Variants in SLC24A2 observed in about 807,000 individuals in gnomAD.
SLC24A2 encodes the protein solute carrier family 24 member 2, also known as sodium/potassium/calcium exchanger 2.
Under a neutral mutation model 62.0 loss-of-function variants are expected in SLC24A2, and 36 were observed. The observed-to-expected ratio is 0.58, with a 90% confidence interval of 0.44 to 0.77. SLC24A2 has a LOEUF of 0.77. Ranked by LOEUF, SLC24A2 falls within the 30% of genes least tolerant of loss-of-function variation. The pLI is 0.00. For synonymous variants in SLC24A2, 358 were observed against 294.0 expected (o/e 1.22, Z -2.23); for missense variants, 846 against 817.9 (o/e 1.03, Z -0.42).
chr9:20,245,652 A>C, the SLC24A2 span, among the ~76,000 whole-genome samples: 1 of 152,212 alleles, frequency 6.6e-6, no homozygotes, highest in Non-Finnish European at 1.5e-5. Context: ...AGGTCAAGCG[A>C]ATTGAGATTT....
chr9:19,573,225 A>T lies in SLC24A2; in HGVS notation c.1347+126T>A. The T allele has an allele frequency of 4.3e-6, 3 of 690,422 alleles. No individual in the cohort carries two copies. In the South Asian group the frequency reaches 4.5e-5, roughly 10 times the overall value. The allele number at this position is 690,422 out of a possible 1,614,324, so 42.8% of individuals were successfully genotyped here. On this transcript the variant is annotated intron_variant, in intron 7 of 10. Coordinates refer to ENST00000341998, the MANE Select transcript of SLC24A2 (RefSeq NM_020344.4). Reference sequence around the variant, plus strand: ...CTGGGAAATACACACAAGGATGTATAAGGCCCTACCTGATTCCTGCCCAGC... The same window carrying T: ...CTGGGAAATACACACAAGGATGTATTAGGCCCTACCTGATTCCTGCCCAGC...
chr9:20,237,223 T>G, the SLC24A2 span, among the ~76,000 whole-genome samples: 1 of 152,218 alleles, frequency 6.6e-6, no homozygotes, highest in Non-Finnish European at 1.5e-5. Context: ...AAAGCATACT[T>G]CTATATGTAT....
the SLC24A2 span, among the ~76,000 whole-genome samples, chr9:20,233,486 T>G: frequency 6.0e-4 from 92 of 152,328 alleles, no homozygotes; most frequent in Non-Finnish European, 8.5e-4. Flanking sequence ...TGTAATGGCC[T>G]TCTTTGTCTC....
At chr9:19,796,015 G>C in the SLC24A2 span, among the ~76,000 whole-genome samples, 9 of 150,118 alleles carry the variant, frequency 6.0e-5, no homozygotes, top group East Asian at 4.0e-4. Context: ...GCAAACTATC[G>C]TAAGGACAAA....
At chr9:19,928,911 C>T in the SLC24A2 span, 11 of 152,286 alleles carry the variant, frequency 7.2e-5, no homozygotes, top group South Asian at 2.1e-4. Context: ...CAGTGGTTAA[C>T]CAGTATCATC....
chr9:20,233,652 T>G, the SLC24A2 span, among the ~76,000 whole-genome samples: 3 of 152,200 alleles, frequency 2.0e-5, no homozygotes, highest in Non-Finnish European at 4.4e-5. Context: ...CTGAATACAG[T>G]ACACTGACGG....
chr9:20,129,397 G>C, the SLC24A2 span, among the ~76,000 whole-genome samples: 1 of 152,054 alleles, frequency 6.6e-6, no homozygotes, highest in Non-Finnish European at 1.5e-5. Context: ...ATTAAACATA[G>C]AATTACCATA....
the SLC24A2 span, among the ~76,000 whole-genome samples, chr9:19,931,920 T>TTTA: frequency 3.5e-4 from 54 of 152,120 alleles, no homozygotes; most frequent in South Asian, 1.7e-3. Flanking sequence ...TTTAATTTTA[T>TTTA]TTATTATTAT....
the SLC24A2 span, among the ~76,000 whole-genome samples, chr9:19,820,060 T>TAC: frequency 4.2e-4 from 47 of 112,850 alleles, 1 homozygote; most frequent in African/African-American, 1.2e-3. Flanking sequence ...TATATACACA[T>TAC]ATATATATAT....
chr9:19,833,012 A>G, the SLC24A2 span, among the ~76,000 whole-genome samples: 1 of 152,232 alleles, frequency 6.6e-6, no homozygotes, highest in South Asian at 2.1e-4. Context: ...ACTGGCCATC[A>G]GAAAAATGCA....
chr9:19,644,995 G>C (rs1402134331), intron 2 of SLC24A2, among the ~76,000 whole-genome samples: 1 of 152,110 alleles, frequency 6.6e-6, no homozygotes, highest in East Asian at 1.9e-4. Flanking sequence ...ACTATACAAG[G>C]AGAATCAGAA....
the SLC24A2 span, among the ~76,000 whole-genome samples, chr9:20,279,201 AT>A: frequency 1.3e-5 from 2 of 152,218 alleles, no homozygotes; most frequent in African/African-American, 4.8e-5. Context: ...TGAGATTTGG[AT>A]GGGGACACAG....
At chr9:19,746,880 C>G (rs886977411) in intron 2 of SLC24A2, among the ~76,000 whole-genome samples, 1 of 152,048 alleles carries the variant, frequency 6.6e-6, no homozygotes, top group African/African-American at 2.4e-5. Context: ...AGTCCCTAAC[C>G]TGCTAGATCT....
the SLC24A2 span, among the ~76,000 whole-genome samples, chr9:20,119,531 G>A: frequency 6.6e-6 from 1 of 151,902 alleles, no homozygotes; most frequent in Admixed American, 6.6e-5. Flanking sequence ...ATACCTGCAG[G>A]AAAAAAACAC....
the SLC24A2 span, among the ~76,000 whole-genome samples, chr9:20,296,128 A>G: frequency 6.6e-6 from 1 of 152,382 alleles, no homozygotes; most frequent in Non-Finnish European, 1.5e-5. Flanking sequence ...AAAGCAGAAA[A>G]TCACCTAATT....
chr9:19,933,959 G>T, the SLC24A2 span, among the ~76,000 whole-genome samples: 1 of 152,172 alleles, frequency 6.6e-6, no homozygotes, highest in African/African-American at 2.4e-5. Context: ...TATGCTAGGG[G>T]TATGCAGGAA....
At chr9:19,977,163 AAGAG>A in the SLC24A2 span, among the ~76,000 whole-genome samples, 1 of 131,256 alleles carries the variant, frequency 7.6e-6, no homozygotes, top group Admixed American at 7.8e-5. Flanking sequence ...GAGACAGAGA[AAGAG>A]AGAATTATAA....
chr9:19,736,481 A>G (rs1345213387), intron 2 of SLC24A2, among the ~76,000 whole-genome samples: 6 of 152,206 alleles, frequency 3.9e-5, no homozygotes, highest in African/African-American at 1.2e-4. Context: ...ATTAACCAAA[A>G]GAAGTCTGGT....
chr9:20,008,680 AG>A, the SLC24A2 span, among the ~76,000 whole-genome samples: 2 of 152,116 alleles, frequency 1.3e-5, no homozygotes, highest in Non-Finnish European at 2.9e-5. Flanking sequence ...TGCTATCTTC[AG>A]AGACTCTAGG....
Sources: gnomAD v4.1 joint callset for allele counts (sites outside exome capture counted in the v4.1 genomes callset) on GRCh38, gnomAD v4.1.1 for gene constraint, MANE v1.5 for transcripts, NCBI Gene and HGNC (gene_info 2026-07-23, HGNC 2026-07-21) for gene names.